Variants in ADARB2 observed in about 807,000 individuals in gnomAD.
ADARB2 encodes inactive double-stranded RNA-specific editase B2.
In ADARB2, 25 loss-of-function variants were observed where a neutral mutation model predicts 62.2. The ratio of observed to expected loss-of-function variants is 0.40; its 90% CI spans 0.29 to 0.56. The LOEUF is 0.56. ADARB2 is among the 20% of genes least tolerant of loss of function. The pLI is 0.43. For synonymous variants in ADARB2, 572 were observed against 500.8 expected (o/e 1.14, Z -1.90); for missense variants, 1,071 against 1,077.4 (o/e 0.99, Z 0.08).
At position 1,600,971 on chromosome 10, in the gene ADARB2, G is replaced by A. The variant is rs1203752253; in HGVS notation, c.100+136080C>T. ...GGGAGCGATGATGACGGCGGCCGCA[G>A]AAGCAGTGACTCTTGCAGCAGGGCC... On this transcript the variant is annotated intron_variant, in intron 1 of 9. Coordinates refer to ENST00000381312, the MANE Select transcript of ADARB2 (RefSeq NM_018702.4). Among the ~76,000 whole-genome samples the A allele has an allele frequency of 2.0e-5, 3 of 152,228 alleles. No homozygotes were observed. In the East Asian group the frequency reaches 5.8e-4, roughly 29 times the overall value.
chr10:1,488,221 C>CAAAAAAAAAA (rs573554204), intron 1 of ADARB2, among the ~76,000 whole-genome samples: 15 of 130,330 alleles, frequency 1.2e-4, no homozygotes, highest in Non-Finnish European at 1.9e-4. Context: ...TCAGATTTGG[C>CAAAAAAAAAA]AAAGAAAAAA....
At chr10:1,257,067 TAAG>T (rs745850957) in intron 4 of ADARB2, among the ~76,000 whole-genome samples, 14 of 152,262 alleles carry the variant, frequency 9.2e-5, no homozygotes, top group Admixed American at 4.6e-4. Flanking sequence ...GTTCTGTTTT[TAAG>T]AAGATCATAT....
chr10:1,732,170 G>T (rs866854169), intron 1 of ADARB2, among the ~76,000 whole-genome samples: 1 of 151,718 alleles, frequency 6.6e-6, no homozygotes, highest in Admixed American at 6.6e-5. Context: ...TGCTTTTACC[G>T]TGTATATACA....
chr10:1,407,548 T>A (rs1832717728), intron 1 of ADARB2, among the ~76,000 whole-genome samples: 1 of 152,140 alleles, frequency 6.6e-6, no homozygotes, highest in African/African-American at 2.4e-5. Context: ...CAGGGAGTCA[T>A]TGCTTCCTGG....
At position 1,178,598 on chromosome 10, in the gene ADARB2, CA is replaced by C. The variant is rs1836620991; in HGVS notation, c.*4594del. 1 of 152,326 alleles carries C rather than the reference CA, an allele frequency of 6.6e-6. No individual in the cohort carries two copies. The highest frequency in any genetic ancestry group is 1.5e-5 in the Non-Finnish European group (1 of 68,124). The allele number at this position is 152,326 out of a possible 1,614,324, so 9.4% of individuals were successfully genotyped here. A position where few individuals can be genotyped will look rare whatever the true frequency, so the allele number is the denominator to read the frequency against. ...CTCCAGCCACCCGCCTAGCCCCACA[CA>C]GTGGCAAAATACCAAAAGACCCTAA... On this transcript the variant is annotated 3_prime_UTR_variant, in exon 10 of 10. Coordinates refer to ENST00000381312, the MANE Select transcript of ADARB2 (RefSeq NM_018702.4).
chr10:1,633,689 C>T (rs1167243769), intron 1 of ADARB2, among the ~76,000 whole-genome samples: 1 of 152,122 alleles, frequency 6.6e-6, no homozygotes, highest in African/African-American at 2.4e-5. Flanking sequence ...AGTGCACACA[C>T]TATCTTATAT....
At chr10:1,379,266 G>A in intron 1 of ADARB2, 106 bp from the exon 2 acceptor site, 1 of 896,936 alleles carries the variant, frequency 1.1e-6, no homozygotes, top group South Asian at 1.5e-5. Context: ...AGGTGGAGAG[G>A]TCACTTTGGT....
intron 1 of ADARB2, among the ~76,000 whole-genome samples, chr10:1,548,447 C>T (rs1348202167): frequency 1.3e-5 from 2 of 152,192 alleles, no homozygotes; most frequent in East Asian, 3.8e-4. Context: ...AGCCAAAGAC[C>T]CCTTCACTGA....
chr10:1,505,317 G>A (rs1198903799), intron 1 of ADARB2, among the ~76,000 whole-genome samples: 1 of 151,996 alleles, frequency 6.6e-6, no homozygotes, highest in African/African-American at 2.4e-5. Flanking sequence ...TGTATGTGAT[G>A]ATGACGCTGA....
chr10:1,247,562 G>T (rs1223636505), intron 4 of ADARB2, among the ~76,000 whole-genome samples: 1 of 152,182 alleles, frequency 6.6e-6, no homozygotes, highest in Non-Finnish European at 1.5e-5. Context: ...AAAGGAGAGG[G>T]CGGGCGTCAT....
At position 1,678,290 on chromosome 10, in the gene ADARB2, C is replaced by G. The variant is rs1834492995; in HGVS notation, c.100+58761G>C. 9.1e-6 allele frequency: 9 copies of G among 985,090 alleles called. No homozygotes were observed. The South Asian group carries it at 3.8e-4, about 41-fold the overall frequency. 61.0% of individuals were successfully genotyped at this position (985,090 alleles called of 1,614,324 possible). On this transcript the variant is annotated intron_variant, in intron 1 of 9. Transcript: ENST00000381312. Reference sequence around the variant, plus strand: ...TGAGGGACCTCGGGGTGAGCGTCCTCGGGGTGAGCATCCTCAGGGTGAGCG... The same window carrying G: ...TGAGGGACCTCGGGGTGAGCGTCCTGGGGGTGAGCATCCTCAGGGTGAGCG...
chr10:1,558,090 A>C (rs895073841), intron 1 of ADARB2, among the ~76,000 whole-genome samples: 4 of 152,076 alleles, frequency 2.6e-5, no homozygotes, highest in African/African-American at 9.7e-5. Flanking sequence ...TCATGGAGCA[A>C]AGAAGAAAGG....
intron 7 of ADARB2, among the ~76,000 whole-genome samples, chr10:1,205,874 C>T (rs905396011): frequency 2.7e-5 from 4 of 150,792 alleles, no homozygotes; most frequent in Non-Finnish European, 4.4e-5. Context: ...CAGCCCGCTG[C>T]GGCCAGGTGG....
intron 3 of ADARB2, chr10:1,290,871 T>C (rs1831459930): frequency 6.6e-6 from 1 of 152,232 alleles, no homozygotes; most frequent in South Asian, 2.1e-4. Flanking sequence ...TGCATATTTC[T>C]GTTTTTTTGT....
At position 1,181,713 on chromosome 10, in the gene ADARB2, C is replaced by A. The variant is rs967713067; in HGVS notation, c.*1480G>T. On this transcript the variant is annotated 3_prime_UTR_variant, in exon 10 of 10. Transcript: ENST00000381312. ...GCTGGGATTCTTTCCGGGAAGCCCA[C>A]ACCCCAGAGGTGGACACCACCATGC... The A allele has an allele frequency of 6.6e-6, 1 of 152,224 alleles. No homozygotes were observed. Among genetic ancestry groups the A allele is most frequent in the African/African-American group, 2.4e-5 (1 of 41,448 alleles). The allele number at this position is 152,224 out of a possible 1,614,324, so 9.4% of individuals were successfully genotyped here. A position where few individuals can be genotyped will look rare whatever the true frequency, so the allele number is the denominator to read the frequency against.
chr10:1,492,937 A>T (rs1055366320), intron 1 of ADARB2, among the ~76,000 whole-genome samples: 5 of 152,192 alleles, frequency 3.3e-5, no homozygotes, highest in African/African-American at 1.2e-4. Flanking sequence ...TGATGCCAGC[A>T]TCTAATCCCC....
chr10:1,335,414 G>A (rs1248559857), intron 3 of ADARB2, among the ~76,000 whole-genome samples: 4 of 150,224 alleles, frequency 2.7e-5, no homozygotes, highest in African/African-American at 7.4e-5. Flanking sequence ...CGGAAGGGAT[G>A]GAGGGAAGGA....
chr10:1,564,196 G>C (rs1236366165), intron 1 of ADARB2, among the ~76,000 whole-genome samples: 1 of 152,156 alleles, frequency 6.6e-6, no homozygotes, highest in African/African-American at 2.4e-5. Context: ...GATCCCTGAG[G>C]AATCGCCACA....
intron 4 of ADARB2, among the ~76,000 whole-genome samples, chr10:1,257,268 T>C (rs937774401): frequency 6.6e-6 from 1 of 152,178 alleles, no homozygotes; most frequent in Non-Finnish European, 1.5e-5. Flanking sequence ...TGACCTAAGT[T>C]GGGGAGGCCG....
Sources: allele counts gnomAD v4.1 joint callset (sites outside exome capture counted in the v4.1 genomes callset), GRCh38; gene constraint gnomAD v4.1.1; transcripts MANE v1.5; gene names NCBI Gene and HGNC (gene_info 2026-07-23, HGNC 2026-07-21).